Variants in PXDNL observed in about 807,000 individuals in gnomAD.
The protein encoded by PXDNL is peroxidasin like.
PXDNL carries 145 observed loss-of-function variants against 150.8 expected under a neutral mutation model. The ratio of observed to expected loss-of-function variants is 0.96; its 90% confidence interval spans 0.84 to 1.10. The LOEUF (loss-of-function observed/expected upper bound fraction) is 1.10, where lower values mean the gene tolerates loss of function less well. Among genes scored for constraint, PXDNL ranks in the 50% least tolerant of loss-of-function variants. The pLI is 0.00. For missense variants in PXDNL, 2,087 were observed against 1,873.9 expected, an observed-to-expected ratio of 1.11 and a Z score of -2.10; for synonymous variants, 757 against 725.7, an observed-to-expected ratio of 1.04 and a Z score of -0.69.
At chr8:51,439,163 T>C (rs932536115) in intron 12 of PXDNL, among the ~76,000 whole-genome samples, 1 of 149,564 alleles carries the variant, frequency 6.7e-6, no homozygotes, top group African/African-American at 2.6e-5. Flanking sequence ...AGAAAATCTT[T>C]GCAATCTATG....
intron 4 of PXDNL, among the ~76,000 whole-genome samples, chr8:51,505,242 T>C (rs1460346105): frequency 6.6e-6 from 1 of 152,192 alleles, no homozygotes; most frequent in African/African-American, 2.4e-5. Flanking sequence ...AATCTTCCTA[T>C]GATCTTTAAA....
At chr8:51,516,205 A>C (rs996244665) in intron 4 of PXDNL, among the ~76,000 whole-genome samples, 2 of 152,218 alleles carry the variant, frequency 1.3e-5, no homozygotes, top group Non-Finnish European at 2.9e-5. Flanking sequence ...ACATCCTATA[A>C]TTTAAATCAA....
intron 21 of PXDNL, among the ~76,000 whole-genome samples, chr8:51,332,587 A>T (rs1246135070): frequency 6.6e-6 from 1 of 151,932 alleles, no homozygotes; most frequent in African/African-American, 2.4e-5. Flanking sequence ...AAAAAAAAAG[A>T]TACAAGAAGT....
chr8:51,399,861 A>G (rs1200399415), intron 17 of PXDNL, among the ~76,000 whole-genome samples: 2 of 152,248 alleles, frequency 1.3e-5, no homozygotes, highest in African/African-American at 4.8e-5. Context: ...GAAATAAAGC[A>G]TAAAGTTTTC....
chr8:51,494,970 A>C (rs1301400899), intron 5 of PXDNL, among the ~76,000 whole-genome samples: 1 of 152,170 alleles, frequency 6.6e-6, no homozygotes, highest in Non-Finnish European at 1.5e-5. Flanking sequence ...AAATCAACAG[A>C]ATATACATTC....
chr8:51,651,495 A>AC (rs1185055531), intron 2 of PXDNL, among the ~76,000 whole-genome samples: 1 of 151,656 alleles, frequency 6.6e-6, no homozygotes, highest in Admixed American at 6.6e-5. Flanking sequence ...GACCAGAAAT[A>AC]CCCCCCAACC....
intron 1 of PXDNL, among the ~76,000 whole-genome samples, chr8:51,794,674 A>C (rs546200300): frequency 1.3e-3 from 195 of 152,304 alleles, no homozygotes; most frequent in Non-Finnish European, 1.4e-3. Flanking sequence ...TAAATATGGA[A>C]AAGAAAAACT....
chr8:51,499,790 G>T lies in PXDNL; in HGVS notation c.381-20C>A. 1 of 1,538,198 alleles carries T rather than the reference G, an allele frequency of 6.5e-7. No homozygotes were observed. The highest frequency in any genetic ancestry group is 9.0e-7 in the Non-Finnish European group (1 of 1,111,428). On this transcript the variant is annotated intron_variant, in intron 4 of 22. Transcript: ENST00000356297. ...ATATACCTGGAAGGCAAAAAATCAA[G>T]TTGGTTACTCCTTGTGCTGGTGAGT... is the stretch of plus-strand genomic sequence containing the variant.
chr8:51,726,568 A>C (rs577531056), intron 1 of PXDNL, among the ~76,000 whole-genome samples: 1 of 152,198 alleles, frequency 6.6e-6, no homozygotes, highest in East Asian at 1.9e-4. Context: ...CTTTTTATTC[A>C]TCACTATTCT....
At chr8:51,503,945 C>T (rs1296902283) in intron 4 of PXDNL, among the ~76,000 whole-genome samples, 3 of 152,140 alleles carry the variant, frequency 2.0e-5, no homozygotes, top group African/African-American at 7.2e-5. Flanking sequence ...GTCTGAAACC[C>T]AGCCCAGGAA....
intron 17 of PXDNL, among the ~76,000 whole-genome samples, chr8:51,375,885 T>C (rs1302521063): frequency 1.3e-5 from 2 of 152,212 alleles, no homozygotes; most frequent in Non-Finnish European, 2.9e-5. Flanking sequence ...AAAGCAGCCA[T>C]AGACAACATA....
intron 2 of PXDNL, among the ~76,000 whole-genome samples, chr8:51,644,105 C>T (rs1814846849): frequency 6.6e-6 from 1 of 151,282 alleles, no homozygotes; most frequent in Non-Finnish European, 1.5e-5. Context: ...GAGATCATGC[C>T]ACTGAACTCC....
At chr8:51,549,098 T>A (rs1812426819) in intron 4 of PXDNL, among the ~76,000 whole-genome samples, 1 of 152,204 alleles carries the variant, frequency 6.6e-6, no homozygotes, top group African/African-American at 2.4e-5. Context: ...CATTATATAA[T>A]GCTAAAAGGA....
intron 8 of PXDNL, among the ~76,000 whole-genome samples, chr8:51,471,616 T>G (rs1810335756): frequency 6.6e-6 from 1 of 152,200 alleles, no homozygotes; most frequent in African/African-American, 2.4e-5. Flanking sequence ...CAACATTTCC[T>G]TCTAGAAATA....
intron 9 of PXDNL, among the ~76,000 whole-genome samples, chr8:51,454,514 A>G (rs1315458674): frequency 1.3e-5 from 2 of 152,310 alleles, no homozygotes; most frequent in East Asian, 3.9e-4. Context: ...TGTAAATAGA[A>G]AATTTAGACT....
chr8:51,352,735 G>A (rs1250382808), intron 19 of PXDNL, among the ~76,000 whole-genome samples: 1 of 152,160 alleles, frequency 6.6e-6, no homozygotes, highest in Non-Finnish European at 1.5e-5. Context: ...CTATAACAGT[G>A]TGGAAATGGA....
intron 2 of PXDNL, among the ~76,000 whole-genome samples, chr8:51,638,890 G>C (rs13274571): frequency 0.18 from 27,449 of 152,064 alleles, 2,733 homozygotes; most frequent in Non-Finnish European, 0.22. Context: ...CAAATCAACA[G>C]AATATACATT....
At chr8:51,611,896 C>T (rs950556170) in intron 2 of PXDNL, among the ~76,000 whole-genome samples, 8 of 152,178 alleles carry the variant, frequency 5.3e-5, no homozygotes, top group Non-Finnish European at 8.8e-5. Flanking sequence ...GCCGGGATGC[C>T]GAAGGGAAGG....
chr8:51,568,257 T>G (rs1355840544), intron 3 of PXDNL, among the ~76,000 whole-genome samples: 1 of 151,816 alleles, frequency 6.6e-6, no homozygotes, highest in Non-Finnish European at 1.5e-5. Context: ...TCATTTCCCT[T>G]CTCTTTGAAG....
Sources: allele counts gnomAD v4.1 joint callset (sites outside exome capture counted in the v4.1 genomes callset), GRCh38; gene constraint gnomAD v4.1.1; transcripts MANE v1.5; gene names NCBI Gene and HGNC (gene_info 2026-07-23, HGNC 2026-07-21).